Variants in AMZ1 observed in about 807,000 individuals in gnomAD.
AMZ1 encodes archaelysin family metallopeptidase 1.
AMZ1 carries 39 observed loss-of-function variants against 29.9 expected under a neutral mutation model. The observed-to-expected ratio is 1.30, with a 90% CI of 1.01 to 1.70. AMZ1 has a LOEUF of 1.70. Ranked by LOEUF, AMZ1 falls within the 40% of genes most tolerant of loss-of-function variation. The pLI is 0.00. For missense variants in AMZ1, 1,041 were observed against 680.6 expected (o/e 1.53, Z -5.89); for synonymous variants, 458 against 304.0 (o/e 1.51, Z -5.27).
rs558099167 is a variant in AMZ1 at position 2,734,817 on chromosome 7, G to C, written n.550+25001G>C. Among the ~76,000 whole-genome samples, 3 of 152,266 alleles carry C rather than the reference G, an allele frequency of 2.0e-5. No individual in the cohort carries two copies. In the East Asian group the frequency reaches 5.8e-4, roughly 29 times the overall value. On this transcript the variant is annotated intron_variant and non_coding_transcript_variant, in intron 4 of 4. Coordinates refer to the AMZ1 transcript ENST00000489665. ...CTCCTCCTCTGTGGCAGGACGGGGC[G>C]AGCACGTGCACCTCGTGACCACCGG...
In AMZ1 at chr7:2,719,409, G is replaced by A. The variant is rs974637613; in HGVS notation, c.*6531G>A. On this transcript the variant is annotated 3_prime_UTR_variant, in exon 7 of 7. Coordinates refer to ENST00000683327, the MANE Select transcript of AMZ1 (RefSeq NM_001384743.1). ...CTCCCTCCTCTGCTCCAACAGCAGA[G>A]CCCAGAGCATCCCTTGGCCCGACGC... Among the ~76,000 whole-genome samples, 2 of 152,202 alleles carry A rather than the reference G, an allele frequency of 1.3e-5. No homozygotes were observed. The highest frequency in any genetic ancestry group is 4.8e-5 in the African/African-American group (2 of 41,460).
chr7:2,759,351 C>T (rs1469369955), intron 4 of AMZ1, among the ~76,000 whole-genome samples: 1 of 152,172 alleles, frequency 6.6e-6, no homozygotes, highest in Admixed American at 6.5e-5. Context: ...TTCCTATGTG[C>T]CTGCACTGTT....
chr7:2,696,317 T>C (rs1256451158), intron 1 of AMZ1, among the ~76,000 whole-genome samples: 127 of 145,650 alleles, frequency 8.7e-4, no homozygotes, highest in African/African-American at 2.0e-3. Flanking sequence ...AGTGCAGTGG[T>C]GCGATCTTGG....
At chr7:2,708,552 G>T (rs781536317) in intron 3 of AMZ1, 36 bp from the exon 4 acceptor site, 31 of 1,608,854 alleles carry the variant, frequency 1.9e-5, no homozygotes, top group Non-Finnish European at 2.5e-5. Context: ...GTCCCCGGCT[G>T]CCTCCTGACC....
At chr7:2,758,075 A>G (rs1318024690) in intron 4 of AMZ1, among the ~76,000 whole-genome samples, 5 of 152,338 alleles carry the variant, frequency 3.3e-5, no homozygotes, top group Middle Eastern at 3.4e-3. Context: ...CAAAACCAAC[A>G]GGATGAGTCA....
At chr7:2,724,411 G>C (rs143916902), downstream of AMZ1, among the ~76,000 whole-genome samples, 27 of 152,362 alleles carry the variant, frequency 1.8e-4, no homozygotes, top group Non-Finnish European at 3.7e-4. Flanking sequence ...AGAATGAAGT[G>C]AGTTCACTGT....
chr7:2,754,308 T>C (rs980692984), intron 4 of AMZ1, among the ~76,000 whole-genome samples: 1 of 152,188 alleles, frequency 6.6e-6, no homozygotes, highest in African/African-American at 2.4e-5. Context: ...TCATATGTTT[T>C]GTTATTTTCT....
chr7:2,700,121 C>A, intron 1 of AMZ1, 113 bp from the exon 2 acceptor site: 1 of 345,034 alleles, frequency 2.9e-6, no homozygotes. Flanking sequence ...CTGACACCCT[C>A]GTCCTCTGCA....
chr7:2,725,122 C>T (rs890379814), intron 4 of AMZ1, among the ~76,000 whole-genome samples: 2 of 152,230 alleles, frequency 1.3e-5, no homozygotes, highest in Admixed American at 6.5e-5. Context: ...TGCGAGCGCA[C>T]CCTGTGAATG....
rs1394201395 is a variant in AMZ1 at position 2,712,787 on chromosome 7, A to T, written c.1406A>T (p.Asp469Val). 1 of 1,569,954 alleles carries T rather than the reference A, an allele frequency of 6.4e-7. No individual in the cohort carries two copies. Among genetic ancestry groups the T allele is most frequent in the African/African-American group, 1.3e-5 (1 of 74,106 alleles). ...GTGGGGCTGCGCAAGGTGCTGGGGG[A>T]CAAGTTCTCCTCCCTGAGGAGGAAG... Reference protein sequence around the residue: ...DSVGLRKVLGDKFSSLRRKLS... With the variant: ...DSVGLRKVLGVKFSSLRRKLS... The change falls in exon 7 of 7, where the codon GAC becomes GTC. Residue 469 changes from aspartate (D) to valine (V), a missense_variant. Asp to Val is a radical substitution (Grantham distance 152, BLOSUM62 -3). Transcript: ENST00000683327.
At chr7:2,760,635 G>A (rs1328451017), upstream of AMZ1, among the ~76,000 whole-genome samples, 1 of 152,150 alleles carries the variant, frequency 6.6e-6, no homozygotes, top group Non-Finnish European at 1.5e-5. Flanking sequence ...CCCTCAAGCA[G>A]GACAGACCTG....
Position 2,758,997 on chromosome 7 carries a change from GGGCGT to G in AMZ1, n.551-5712_551-5708del, listed in dbSNP as rs547301701. ...TCTACTAAAAATACAAAAACTAGCG[GGGCGT>G]GGTGGTGGGCGCCTGTAATCCCAGC... is the stretch of plus-strand genomic sequence containing the variant. On this transcript the variant is annotated intron_variant and non_coding_transcript_variant, in intron 4 of 4. Transcript: ENST00000489665. 2.6e-3 allele frequency among the ~76,000 whole-genome samples: 388 copies of G among 152,042 alleles called. 1 individual carries two copies. The highest frequency in any genetic ancestry group is 3.8e-3 in the Admixed American group (58 of 15,272).
chr7:2,746,193 C>G (rs983405931), intron 4 of AMZ1, among the ~76,000 whole-genome samples: 3 of 152,204 alleles, frequency 2.0e-5, no homozygotes, highest in African/African-American at 7.2e-5. Context: ...ACGGAACTCT[C>G]CACCCCAAAT....
At chr7:2,733,883 G>C (rs2115292063) in intron 4 of AMZ1, among the ~76,000 whole-genome samples, 1 of 152,330 alleles carries the variant, frequency 6.6e-6, no homozygotes, top group Non-Finnish European at 1.5e-5. Context: ...TTTGGCTCCT[G>C]GGTACAGTCT....
intron 4 of AMZ1, among the ~76,000 whole-genome samples, chr7:2,742,875 G>A (rs955617947): frequency 3.3e-5 from 5 of 152,078 alleles, no homozygotes; most frequent in African/African-American, 1.2e-4. Context: ...TCTGTATATT[G>A]GCTTGTGCCT....
chr7:2,730,867 T>A (rs1307076562), intron 4 of AMZ1: 3 of 325,838 alleles, frequency 9.2e-6, no homozygotes. Context: ...TCAATTAAAC[T>A]GCGTCAGAAA....
intron 4 of AMZ1, among the ~76,000 whole-genome samples, chr7:2,754,070 C>T (rs1056341937): frequency 6.6e-6 from 1 of 152,158 alleles, no homozygotes; most frequent in Non-Finnish European, 1.5e-5. Flanking sequence ...ACGGTTGTAC[C>T]CTTTTACCTC....
chr7:2,737,095 G>A (rs1276995355), intron 4 of AMZ1, among the ~76,000 whole-genome samples: 1 of 152,126 alleles, frequency 6.6e-6, no homozygotes, highest in Non-Finnish European at 1.5e-5. Context: ...TCCCACTGGG[G>A]AGTGAGAGGA....
chr7:2,712,767 G>C lies in AMZ1; in HGVS notation c.1386G>C (p.Gly462=). 3.8e-6 allele frequency: 6 copies of C among 1,594,512 alleles called. No individual in the cohort carries two copies. The highest frequency in any genetic ancestry group is 5.1e-6 in the Non-Finnish European group (6 of 1,168,826). Residue 462 remains glycine, a synonymous_variant, in exon 7 of 7, where the codon GGG becomes GGC. Coordinates refer to ENST00000683327, the MANE Select transcript of AMZ1 (RefSeq NM_001384743.1). The part of the protein sequence containing the change: ...QDPPSSRDSV[G]LRKVLGDKFS... ...CACCCAGCAGCAGGGACAGCGTGGG[G>C]CTGCGCAAGGTGCTGGGGGACAAGT...
Sources: allele counts gnomAD v4.1 joint callset (sites outside exome capture counted in the v4.1 genomes callset), GRCh38; gene constraint gnomAD v4.1.1; transcripts MANE v1.5; gene names NCBI Gene and HGNC (gene_info 2026-07-23, HGNC 2026-07-21).